FAM184B: variants seen among roughly 807,000 people sequenced by gnomAD.
FAM184B encodes family with sequence similarity 184 member B.
Under a neutral mutation model 135.9 loss-of-function variants are expected in FAM184B, and 111 were observed. The ratio of observed to expected loss-of-function variants is 0.82; its 90% CI spans 0.70 to 0.96. FAM184B has a LOEUF of 0.96. FAM184B is among the 40% of genes least tolerant of loss of function. The pLI, the probability that FAM184B is intolerant of heterozygous loss-of-function variation, is 0.00. For synonymous variants in FAM184B, 552 were observed against 524.8 expected, an observed-to-expected ratio of 1.05 and a Z score of -0.71; for missense variants, 1,375 against 1,323.9, an observed-to-expected ratio of 1.04 and a Z score of -0.60.
chr4:17,646,056 G>A (rs1194302153), intron 12 of FAM184B, among the ~76,000 whole-genome samples: 1 of 152,070 alleles, frequency 6.6e-6, no homozygotes, highest in African/African-American at 2.4e-5. Flanking sequence ...TTAGAATGGT[G>A]ATCATTAAAA....
chr4:17,756,458 A>T (rs1249491220), intron 1 of FAM184B, among the ~76,000 whole-genome samples: 1 of 152,126 alleles, frequency 6.6e-6, no homozygotes. Context: ...CTAATAAAAA[A>T]CCTCATTGGT....
At chr4:17,759,688 G>A (rs1577292357) in intron 1 of FAM184B, among the ~76,000 whole-genome samples, 1 of 152,020 alleles carries the variant, frequency 6.6e-6, no homozygotes, top group South Asian at 2.1e-4. Flanking sequence ...TAGAAAGGGT[G>A]TTTCACCATG....
intron 10 of FAM184B, among the ~76,000 whole-genome samples, chr4:17,656,884 C>T (rs1715788675): frequency 6.6e-6 from 1 of 152,130 alleles, no homozygotes; most frequent in South Asian, 2.1e-4. Flanking sequence ...TATTTACCAG[C>T]ATTAAAAAGA....
intron 1 of FAM184B, among the ~76,000 whole-genome samples, chr4:17,773,073 A>G (rs1417837462): frequency 1.3e-5 from 2 of 152,192 alleles, no homozygotes; most frequent in African/African-American, 4.8e-5. Context: ...CCTCTCTTCA[A>G]CACACACACA....
chr4:17,709,714 C>T (rs1187311283), intron 1 of FAM184B, 70 bp from the exon 2 acceptor site: 5 of 1,341,956 alleles, frequency 3.7e-6, no homozygotes, highest in Non-Finnish European at 4.9e-6. Context: ...GGGGACAGAG[C>T]AATATTCTCC....
At chr4:17,649,766 C>T (rs1250900989) in intron 11 of FAM184B, among the ~76,000 whole-genome samples, 3 of 151,506 alleles carry the variant, frequency 2.0e-5, no homozygotes, top group Non-Finnish European at 4.4e-5. Context: ...CATTCTTTAC[C>T]CTCCTCTCTC....
chr4:17,687,718 C>T (rs1282104479), intron 7 of FAM184B, among the ~76,000 whole-genome samples: 1 of 152,020 alleles, frequency 6.6e-6, no homozygotes, highest in Non-Finnish European at 1.5e-5. Flanking sequence ...GACGTGTTTG[C>T]AAGGAAGACT....
intron 11 of FAM184B, among the ~76,000 whole-genome samples, chr4:17,648,229 G>A (rs557567060): frequency 6.6e-6 from 1 of 152,254 alleles, no homozygotes; most frequent in African/African-American, 2.4e-5. Flanking sequence ...CTGTGACAAC[G>A]CTTGGCCTCA....
At chr4:17,756,538 C>A (rs982865591) in intron 1 of FAM184B, among the ~76,000 whole-genome samples, 1 of 152,146 alleles carries the variant, frequency 6.6e-6, no homozygotes, top group African/African-American at 2.4e-5. Flanking sequence ...CACAATCAAG[C>A]ATTTGTTTTG....
At chr4:17,770,755 C>T (rs928659712) in intron 1 of FAM184B, among the ~76,000 whole-genome samples, 3 of 152,128 alleles carry the variant, frequency 2.0e-5, no homozygotes, top group African/African-American at 7.2e-5. Flanking sequence ...CGTGAGCCAC[C>T]GCGCCCGGCC....
intron 1 of FAM184B, among the ~76,000 whole-genome samples, chr4:17,770,090 C>G (rs1305224447): frequency 1.3e-5 from 2 of 152,156 alleles, no homozygotes; most frequent in Non-Finnish European, 2.9e-5. Flanking sequence ...GGAAATGAGA[C>G]TGAGAGGCGG....
At chr4:17,708,843 G>T in intron 2 of FAM184B, 49 bp downstream of exon 2, 1 of 1,458,806 alleles carries the variant, frequency 6.9e-7, no homozygotes, top group Non-Finnish European at 9.1e-7. Flanking sequence ...ACAATAAGCA[G>T]CCCTGCTGAT....
At position 17,700,100 on chromosome 4, in the gene FAM184B, C is replaced by A. The variant is rs188922482; in HGVS notation, c.1377+4900G>T. Reference sequence around the variant, plus strand: ...AAAGGTGGAGCTAGAAAATGGAATACCCCCAAAATACTCAATGTATCCAAA... The same window carrying A: ...AAAGGTGGAGCTAGAAAATGGAATAACCCCAAAATACTCAATGTATCCAAA... On this transcript the variant is annotated intron_variant, in intron 5 of 17. Coordinates refer to ENST00000265018, the MANE Select transcript of FAM184B (RefSeq NM_015688.2). Among the ~76,000 whole-genome samples, 48 of 152,178 alleles carry A rather than the reference C, an allele frequency of 3.2e-4. 2 individuals carry two copies. The highest frequency in any genetic ancestry group is 3.0e-3 in the Admixed American group (46 of 15,286).
At chr4:17,669,042 G>A (rs549371347) in intron 7 of FAM184B, among the ~76,000 whole-genome samples, 24 of 152,258 alleles carry the variant, frequency 1.6e-4, no homozygotes, top group Non-Finnish European at 2.9e-4. Context: ...CTACAGCCAG[G>A]GACTGAGAAC....
At chr4:17,665,468 C>G (rs561742784) in intron 7 of FAM184B, among the ~76,000 whole-genome samples, 1 of 152,190 alleles carries the variant, frequency 6.6e-6, no homozygotes, top group African/African-American at 2.4e-5. Context: ...ATTTGTCTCA[C>G]GAAATAGTGA....
chr4:17,737,690 T>G (rs1717943129), intron 1 of FAM184B, among the ~76,000 whole-genome samples: 1 of 152,090 alleles, frequency 6.6e-6, no homozygotes, highest in South Asian at 2.1e-4. Context: ...TCAAAGTCCC[T>G]CATGAGAAGG....
intron 7 of FAM184B, among the ~76,000 whole-genome samples, chr4:17,673,282 G>A (rs1343868767): frequency 6.6e-6 from 1 of 152,064 alleles, no homozygotes; most frequent in Non-Finnish European, 1.5e-5. Flanking sequence ...TGGTATAGAT[G>A]CAATGAACAG....
chr4:17,760,786 G>T (rs2108992398), intron 1 of FAM184B, among the ~76,000 whole-genome samples: 1 of 152,228 alleles, frequency 6.6e-6, no homozygotes, highest in East Asian at 1.9e-4. Context: ...AGCCCCAGGG[G>T]GTTGCATAAT....
At chr4:17,729,415 T>C (rs1717720385) in intron 1 of FAM184B, among the ~76,000 whole-genome samples, 1 of 152,206 alleles carries the variant, frequency 6.6e-6, no homozygotes, top group Admixed American at 6.5e-5. Flanking sequence ...TCTCCCAGCA[T>C]GCAGCTGGAG....
Sources: gnomAD v4.1 joint callset for allele counts (sites outside exome capture counted in the v4.1 genomes callset) on GRCh38, gnomAD v4.1.1 for gene constraint, MANE v1.5 for transcripts, NCBI Gene and HGNC (gene_info 2026-07-23, HGNC 2026-07-21) for gene names.